The following UBE4B variants were observed in gnomAD, a reference collection of about 807,000 sequenced individuals.
The protein encoded by UBE4B is ubiquitination factor E4B, also known as ubiquitin conjugation factor E4 B.
A neutral mutation model predicts 148.1 loss-of-function variants in UBE4B; 27 were observed. The observed-to-expected ratio is 0.18, with a 90% confidence interval of 0.13 to 0.25. The LOEUF (loss-of-function observed/expected upper bound fraction) is 0.25. UBE4B is among the 10% of genes least tolerant of loss of function. The pLI, the probability that UBE4B is intolerant of heterozygous loss-of-function variation, is 1.00. For missense variants in UBE4B, 1,170 were observed against 1,662.4 expected, an observed-to-expected ratio of 0.70 and a Z score of 5.15; for synonymous variants, 596 against 619.3, an observed-to-expected ratio of 0.96 and a Z score of 0.56.
At chr1:10,061,912 CTTTTTTT>C (rs767477329) in intron 1 of UBE4B, among the ~76,000 whole-genome samples, 32 of 138,282 alleles carry the variant, frequency 2.3e-4, no homozygotes, top group African/African-American at 6.6e-4. Flanking sequence ...CTTCTTTTTT[CTTTTTTT>C]TTTTTTTTTG....
intron 1 of UBE4B, among the ~76,000 whole-genome samples, chr1:10,035,902 C>T (rs1274487014): frequency 6.8e-6 from 1 of 147,178 alleles, no homozygotes; most frequent in Non-Finnish European, 1.5e-5. Flanking sequence ...CGCCACCACG[C>T]CCGGCTAATT....
At chr1:10,078,515 C>T (rs1644622205) in intron 2 of UBE4B, among the ~76,000 whole-genome samples, 1 of 152,050 alleles carries the variant, frequency 6.6e-6, no homozygotes, top group African/African-American at 2.4e-5. Flanking sequence ...TTAGTTTCTT[C>T]CCCTATCTTT....
intron 2 of UBE4B, among the ~76,000 whole-genome samples, chr1:10,091,362 G>T (rs1477578402): frequency 6.6e-6 from 1 of 152,100 alleles, no homozygotes; most frequent in Non-Finnish European, 1.5e-5. Context: ...CTATTGATTT[G>T]ATGTGTTTTT....
At chr1:10,136,927 ATAAAT>A in intron 16 of UBE4B, 135 bp from the exon 17 acceptor site, 1 of 995,818 alleles carries the variant, frequency 1.0e-6, no homozygotes. Flanking sequence ...TCTCAAATAA[ATAAAT>A]AAATAAATAA....
At chr1:10,166,966 CACACAAAAAA>C (rs759050978) in intron 23 of UBE4B, among the ~76,000 whole-genome samples, 96 of 134,800 alleles carry the variant, frequency 7.1e-4, no homozygotes, top group Non-Finnish European at 1.2e-3. Flanking sequence ...CACACACACA[CACACAAAAAA>C]AAAAAATTAG....
At position 10,085,125 on chromosome 1, in the gene UBE4B, G is replaced by A. The variant is rs886548314; in HGVS notation, c.212-10336G>A. 9.9e-5 allele frequency among the ~76,000 whole-genome samples: 15 copies of A among 152,106 alleles called. No individual in the cohort carries two copies. In the South Asian group the frequency reaches 1.4e-3, roughly 15 times the overall value. On this transcript the variant is annotated intron_variant, in intron 2 of 27. Coordinates refer to ENST00000343090, the MANE Select transcript of UBE4B (RefSeq NM_001105562.3). ...ACCTAGAGTTGAACGTTCATACCTG[G>A]AGAGCCTTAACATTAAGCCCTAGCC...
At chr1:10,095,173 A>G (rs1644911239) in intron 2 of UBE4B, among the ~76,000 whole-genome samples, 1 of 152,172 alleles carries the variant, frequency 6.6e-6, no homozygotes, top group Non-Finnish European at 1.5e-5. Flanking sequence ...TTTGTGGGCC[A>G]TAGTTTGAAT....
intron 23 of UBE4B, among the ~76,000 whole-genome samples, chr1:10,165,238 G>A (rs906620734): frequency 2.6e-5 from 4 of 152,168 alleles, no homozygotes; most frequent in East Asian, 1.9e-4. Context: ...AGTAAATGGC[G>A]CCTTCATTCT....
intron 3 of UBE4B, among the ~76,000 whole-genome samples, chr1:10,097,052 A>AAAAAAAAAAAT (rs554089049): frequency 3.6e-5 from 5 of 138,516 alleles, no homozygotes; most frequent in African/African-American, 1.3e-4. Context: ...AAAAAAAAAA[A>AAAAAAAAAAAT]AATAATAATA....
chr1:10,130,437 C>T (rs1002606011), intron 12 of UBE4B, 63 bp from the exon 13 acceptor site: 5 of 1,335,644 alleles, frequency 3.7e-6, no homozygotes, highest in Non-Finnish European at 1.1e-6. Flanking sequence ...GGAGAGTTTT[C>T]ATTACATTTT....
chr1:10,137,024 CAT>C (rs1335272590), intron 16 of UBE4B, 41 bp from the exon 17 acceptor site: 21 of 1,607,530 alleles, frequency 1.3e-5, no homozygotes, highest in East Asian at 2.2e-5. Context: ...CTGATTGAGA[CAT>C]GTAATAGATT....
intron 1 of UBE4B, among the ~76,000 whole-genome samples, chr1:10,071,035 T>C (rs753104124): frequency 4.9e-4 from 74 of 152,180 alleles, no homozygotes; most frequent in Non-Finnish European, 8.5e-4. Context: ...CCTGCCTCAG[T>C]AGCTGGGATT....
intron 23 of UBE4B, among the ~76,000 whole-genome samples, chr1:10,166,068 C>T (rs1023134493): frequency 6.6e-6 from 1 of 152,094 alleles, no homozygotes; most frequent in Admixed American, 6.6e-5. Context: ...GAACGGCAGG[C>T]CCCCCAGTAT....
chr1:10,060,333 G>A (rs774227226), intron 1 of UBE4B, among the ~76,000 whole-genome samples: 9 of 152,132 alleles, frequency 5.9e-5, no homozygotes, highest in Non-Finnish European at 1.3e-4. Flanking sequence ...CTACAAACCT[G>A]TACTGCATGT....
intron 2 of UBE4B, among the ~76,000 whole-genome samples, chr1:10,080,586 T>C (rs997754833): frequency 6.6e-6 from 1 of 152,186 alleles, no homozygotes; most frequent in African/African-American, 2.4e-5. Flanking sequence ...TTAAGATTCA[T>C]ATGCTGAAGA....
chr1:10,123,470 T>G (rs1429256444), intron 10 of UBE4B, among the ~76,000 whole-genome samples: 2 of 150,006 alleles, frequency 1.3e-5, no homozygotes, highest in Admixed American at 1.3e-4. Flanking sequence ...TCTTGGAAGG[T>G]TTGAGTGATG....
At position 10,105,529 on chromosome 1, in the gene UBE4B, T is replaced by G. The variant is rs1645091586; in HGVS notation, c.594T>G (p.Phe198Leu). 6.2e-7 allele frequency: 1 copy of G among 1,614,206 alleles called. No individual in the cohort carries two copies. Among genetic ancestry groups the G allele is most frequent in the Non-Finnish European group, 8.5e-7 (1 of 1,180,034 alleles). Reference protein sequence around the residue: ...KQNPKEVFSDFKDLIGQILME... With the variant: ...KQNPKEVFSDLKDLIGQILME... ...CCTTTCCAACAGTATTCTCCGATTT[T>G]AAGGACTTGATTGGCCAGATTTTAA... Residue 198 changes from phenylalanine (F) to leucine (L), a missense_variant, in exon 6 of 28, where the codon TTT (phenylalanine) becomes TTG (leucine). By Grantham distance (22) the Phe-to-Leu change is conservative. Coordinates refer to ENST00000343090, the MANE Select transcript of UBE4B (RefSeq NM_001105562.3).
intron 3 of UBE4B, among the ~76,000 whole-genome samples, chr1:10,097,428 C>G (rs1425133281): frequency 6.6e-6 from 1 of 152,152 alleles, no homozygotes; most frequent in Non-Finnish European, 1.5e-5. Flanking sequence ...AGATTTCCTT[C>G]TGCTCACTCT....
chr1:10,143,475 C>T (rs1232930137), intron 17 of UBE4B, among the ~76,000 whole-genome samples: 1 of 152,100 alleles, frequency 6.6e-6, no homozygotes, highest in African/African-American at 2.4e-5. Context: ...ACATCTCCTT[C>T]TCTGTCTCTG....
Sources: gnomAD v4.1 joint callset for allele counts (sites outside exome capture counted in the v4.1 genomes callset) on GRCh38, gnomAD v4.1.1 for gene constraint, MANE v1.5 for transcripts, NCBI Gene and HGNC (gene_info 2026-07-23, HGNC 2026-07-21) for gene names.